The following HDDC2 variants were observed in gnomAD, a reference collection of about 807,000 sequenced individuals.
HDDC2 encodes HD domain containing 2.
HDDC2 carries 25 observed loss-of-function variants against 25.5 expected under a neutral mutation model. That is an observed-to-expected ratio of 0.98 (90% CI 0.72 to 1.37). The LOEUF (loss-of-function observed/expected upper bound fraction) is 1.37. Ranked by LOEUF, HDDC2 falls within the 40% of genes most tolerant of loss-of-function variation. The probability of loss-of-function intolerance (pLI) is 0.00; values close to 1 mark genes in which losing one functional copy is unlikely to be tolerated. For missense variants in HDDC2, 264 were observed against 253.1 expected (o/e 1.04, Z -0.29); for synonymous variants, 106 against 89.7 (o/e 1.18, Z -1.03).
chr6:125,290,699 T>C (rs1562444108), intron 4 of HDDC2, among the ~76,000 whole-genome samples: 2 of 152,186 alleles, frequency 1.3e-5, no homozygotes, highest in Non-Finnish European at 2.9e-5. Flanking sequence ...AACCAAGGAC[T>C]GCAATAACCA....
At chr6:125,289,510 CAAAACAAAA>C (rs1443065266) in intron 4 of HDDC2, among the ~76,000 whole-genome samples, 3 of 129,378 alleles carry the variant, frequency 2.3e-5, no homozygotes, top group Non-Finnish European at 4.7e-5. Flanking sequence ...AAAAACAAAA[CAAAACAAAA>C]AAAACAAAAA....
chr6:125,295,777 A>G (rs1187185723), intron 3 of HDDC2, among the ~76,000 whole-genome samples: 1 of 152,088 alleles, frequency 6.6e-6, no homozygotes, highest in Non-Finnish European at 1.5e-5. Context: ...CTGTTTCAAT[A>G]AGGTTTCCCC....
At chr6:125,295,754 A>C (rs1583055261) in intron 3 of HDDC2, among the ~76,000 whole-genome samples, 1 of 152,154 alleles carries the variant, frequency 6.6e-6, no homozygotes, top group East Asian at 1.9e-4. Flanking sequence ...CAGGCATACC[A>C]CGACTCTGCC....
chr6:125,282,597 A>G (rs1798474794), intron 4 of HDDC2, among the ~76,000 whole-genome samples: 1 of 152,212 alleles, frequency 6.6e-6, no homozygotes, highest in Admixed American at 6.5e-5. Context: ...CTATAAAGAA[A>G]CTGCATCAAC....
chr6:125,285,187 A>ATC (rs2115105648), intron 4 of HDDC2, among the ~76,000 whole-genome samples: 1 of 152,062 alleles, frequency 6.6e-6, no homozygotes, highest in African/African-American at 2.4e-5. Flanking sequence ...AAGGGGAGGG[A>ATC]TAGCATTAGG....
chr6:125,276,534 AG>A (rs1798372205), intron 5 of HDDC2: 4 of 389,802 alleles, frequency 1.0e-5, no homozygotes, highest in Non-Finnish European at 1.8e-5. Context: ...TGCCTCTACC[AG>A]GAACTATGGG....
intron 4 of HDDC2, among the ~76,000 whole-genome samples, chr6:125,279,705 T>A (rs1379780015): frequency 6.6e-6 from 1 of 152,140 alleles, no homozygotes; most frequent in African/African-American, 2.4e-5. Context: ...GAACTAAATT[T>A]CCTTTCCAAG....
chr6:125,288,135 AG>A (rs1406468629), intron 4 of HDDC2, among the ~76,000 whole-genome samples: 1 of 152,248 alleles, frequency 6.6e-6, no homozygotes, highest in Non-Finnish European at 1.5e-5. Context: ...GCTTCTAAAA[AG>A]CTGGAGAACT....
intron 4 of HDDC2, among the ~76,000 whole-genome samples, chr6:125,285,071 A>G (rs1798510615): frequency 6.7e-6 from 1 of 150,020 alleles, no homozygotes; most frequent in African/African-American, 2.5e-5. Context: ...GGAACAGAAA[A>G]CCAACCACCA....
chr6:125,287,928 C>A (rs1798567110), intron 4 of HDDC2, among the ~76,000 whole-genome samples: 1 of 152,218 alleles, frequency 6.6e-6, no homozygotes, highest in African/African-American at 2.4e-5. Flanking sequence ...GCCACACCCA[C>A]ACGAAGGCCG....
intron 4 of HDDC2, among the ~76,000 whole-genome samples, chr6:125,281,702 T>G (rs1173087793): frequency 6.6e-6 from 1 of 152,090 alleles, no homozygotes; most frequent in Admixed American, 6.6e-5. Flanking sequence ...TATGGGACTA[T>G]GTGAAAAGAC....
At chr6:125,294,893 C>A (rs1798685617) in intron 3 of HDDC2, among the ~76,000 whole-genome samples, 1 of 152,180 alleles carries the variant, frequency 6.6e-6, no homozygotes, top group African/African-American at 2.4e-5. Context: ...TGTTCAAAAT[C>A]ACCATATTCT....
At chr6:125,280,162 A>T (rs528901574) in intron 4 of HDDC2, among the ~76,000 whole-genome samples, 3 of 152,264 alleles carry the variant, frequency 2.0e-5, no homozygotes, top group Admixed American at 6.5e-5. Context: ...CCCCTAGCCA[A>T]TGGAACTCAT....
intron 4 of HDDC2, among the ~76,000 whole-genome samples, chr6:125,282,271 G>T (rs143590577): frequency 6.6e-6 from 1 of 151,664 alleles, no homozygotes; most frequent in African/African-American, 2.4e-5. Flanking sequence ...GCTGGAACCC[G>T]GGAAGCGGAG....
intron 4 of HDDC2, among the ~76,000 whole-genome samples, chr6:125,285,733 T>C (rs374380720): frequency 1.3e-5 from 2 of 152,140 alleles, no homozygotes; most frequent in South Asian, 4.1e-4. Context: ...TGAAGATACA[T>C]TCTAATAAAA....
intron 3 of HDDC2, chr6:125,297,399 C>G (rs1798720136): frequency 5.1e-6 from 2 of 392,732 alleles, no homozygotes; most frequent in East Asian, 7.2e-5. Context: ...GAACACATTC[C>G]TTATACTATT....
At chr6:125,295,348 T>A (rs1439043952) in intron 3 of HDDC2, among the ~76,000 whole-genome samples, 1 of 152,228 alleles carries the variant, frequency 6.6e-6, no homozygotes, top group Admixed American at 6.5e-5. Context: ...GAAGGTATTA[T>A]TCATCATTCA....
intron 1 of HDDC2, among the ~76,000 whole-genome samples, chr6:125,300,973 G>C (rs921909405): frequency 6.6e-6 from 1 of 152,028 alleles, no homozygotes; most frequent in Admixed American, 6.6e-5. Context: ...GCATTTTTCC[G>C]AACAAGAGTT....
At chr6:125,296,316 A>G (rs1364427387) in intron 3 of HDDC2, among the ~76,000 whole-genome samples, 2 of 152,084 alleles carry the variant, frequency 1.3e-5, no homozygotes, top group Non-Finnish European at 2.9e-5. Flanking sequence ...GGGTCCTGGA[A>G]CCAATACCCC....
Sources: allele counts gnomAD v4.1 joint callset (sites outside exome capture counted in the v4.1 genomes callset), GRCh38; gene constraint gnomAD v4.1.1; transcripts MANE v1.5; gene names NCBI Gene and HGNC (gene_info 2026-07-23, HGNC 2026-07-21).